The following PEX5L variants were observed in gnomAD, a reference collection of about 807,000 sequenced individuals.
PEX5L encodes the protein PEX5-related protein.
A neutral mutation model predicts 84.0 loss-of-function variants in PEX5L; 30 were observed. That is an observed-to-expected ratio of 0.36 (90% CI 0.27 to 0.48). The LOEUF is 0.48. Among genes scored for constraint, PEX5L ranks in the 20% least tolerant of loss-of-function variants. The probability of loss-of-function intolerance (pLI) is 0.99; values close to 1 mark genes in which losing one functional copy is unlikely to be tolerated. For synonymous variants in PEX5L, 270 were observed against 283.1 expected, an observed-to-expected ratio of 0.95 and a Z score of 0.46; for missense variants, 533 against 754.6, an observed-to-expected ratio of 0.71 and a Z score of 3.44.
At chr3:179,892,078 T>G (rs886518564) in intron 3 of PEX5L, among the ~76,000 whole-genome samples, 3 of 152,176 alleles carry the variant, frequency 2.0e-5, no homozygotes, top group Admixed American at 6.6e-5. Flanking sequence ...CCCAAAGGTT[T>G]CTAATTTTTT....
intron 8 of PEX5L, among the ~76,000 whole-genome samples, chr3:179,846,860 G>T (rs2108391611): frequency 6.6e-6 from 1 of 152,178 alleles, no homozygotes; most frequent in South Asian, 2.1e-4. Flanking sequence ...TACTCAGTCA[G>T]ACCTTTGGAC....
At position 179,815,857 on chromosome 3, in the gene PEX5L, A is replaced by T; in HGVS notation, c.1083+4T>A. Reference sequence around the variant, plus strand: ...AGTCTGGCAGAATGAAGGGAGAATGACACCTCTGCATCTCCAGGGTCCTGA... The same window carrying T: ...AGTCTGGCAGAATGAAGGGAGAATGTCACCTCTGCATCTCCAGGGTCCTGA... On this transcript the variant is annotated splice_donor_region_variant and intron_variant, in intron 10 of 14. Coordinates refer to ENST00000467460, the MANE Select transcript of PEX5L (RefSeq NM_016559.3). The T allele has an allele frequency of 6.2e-7, 1 of 1,614,008 alleles. No individual in the cohort carries two copies. The highest frequency in any genetic ancestry group is 8.5e-7 in the Non-Finnish European group (1 of 1,179,948).
chr3:179,897,618 G>C (rs995816136), intron 3 of PEX5L, among the ~76,000 whole-genome samples: 4 of 152,012 alleles, frequency 2.6e-5, no homozygotes, highest in Admixed American at 2.6e-4. Context: ...GGGACTCAGG[G>C]ACTTCTGGCT....
intron 6 of PEX5L, 113 bp from the exon 7 acceptor site, chr3:179,874,536 CATCAAA>C: frequency 1.7e-6 from 1 of 589,946 alleles, no homozygotes; most frequent in Non-Finnish European, 3.0e-6. Context: ...TCAAAGCTCT[CATCAAA>C]ATTCTGATGA....
intron 1 of PEX5L, among the ~76,000 whole-genome samples, chr3:180,023,595 G>T (rs1231628770): frequency 6.6e-6 from 1 of 152,150 alleles, no homozygotes. Context: ...TCACTAATTA[G>T]AGGCCTGATA....
intron 7 of PEX5L, among the ~76,000 whole-genome samples, chr3:179,861,848 A>G (rs985077093): frequency 2.6e-5 from 4 of 152,238 alleles, no homozygotes; most frequent in Admixed American, 6.5e-5. Context: ...TGTGATAGAA[A>G]AATGTATGCC....
chr3:179,844,149 G>T (rs1738344980), intron 8 of PEX5L, among the ~76,000 whole-genome samples: 1 of 152,140 alleles, frequency 6.6e-6, no homozygotes, highest in African/African-American at 2.4e-5. Context: ...ACAGTGGTCT[G>T]TATATATTTG....
At chr3:179,859,278 T>C in intron 7 of PEX5L, 121 bp from the exon 8 acceptor site, 1 of 725,404 alleles carries the variant, frequency 1.4e-6, no homozygotes, top group Non-Finnish European at 2.3e-6. Flanking sequence ...CTGTGACTGA[T>C]GACATTTTTG....
chr3:180,003,167 A>G (rs1435444422), intron 1 of PEX5L, among the ~76,000 whole-genome samples: 4 of 152,198 alleles, frequency 2.6e-5, no homozygotes, highest in South Asian at 2.1e-4. Context: ...TAAAGCCAGA[A>G]GTCTTAGCAG....
intron 7 of PEX5L, among the ~76,000 whole-genome samples, chr3:179,863,095 G>C (rs1385830329): frequency 6.6e-6 from 1 of 152,180 alleles, no homozygotes; most frequent in Non-Finnish European, 1.5e-5. Context: ...AGAAAGAACA[G>C]TGTCTTCAAT....
chr3:179,923,306 A>C (rs938361940), intron 2 of PEX5L, among the ~76,000 whole-genome samples: 3 of 150,558 alleles, frequency 2.0e-5, no homozygotes, highest in Non-Finnish European at 4.4e-5. Context: ...AAAAAAAAAA[A>C]AAAAACACCC....
chr3:179,861,433 A>G (rs1746080025), intron 7 of PEX5L, among the ~76,000 whole-genome samples: 1 of 152,208 alleles, frequency 6.6e-6, no homozygotes. Context: ...GGGCAATGGC[A>G]GCTGAATGCC....
rs1431679033 is a variant in PEX5L at position 180,024,231 on chromosome 3, C to T, written c.21+12348G>A. On this transcript the variant is annotated intron_variant, in intron 1 of 14. Transcript: ENST00000467460. ...TGGGAAGAATCACTCCTCCGTATTT[C>T]GGGCTCACATATAAGAGTAACTGTG... Among the ~76,000 whole-genome samples, 3 of 151,318 alleles carry T rather than the reference C, an allele frequency of 2.0e-5. No homozygotes were observed. The South Asian group carries it at 6.3e-4, about 32-fold the overall frequency.
intron 3 of PEX5L, among the ~76,000 whole-genome samples, chr3:179,897,187 G>A (rs1191293625): frequency 6.6e-6 from 1 of 152,088 alleles, no homozygotes; most frequent in African/African-American, 2.4e-5. Context: ...TGATATAAAT[G>A]TCTTTCATGA....
At chr3:179,832,339 C>A (rs1733360663) in intron 8 of PEX5L, among the ~76,000 whole-genome samples, 1 of 151,862 alleles carries the variant, frequency 6.6e-6, no homozygotes. Flanking sequence ...TGCTTACTTA[C>A]CCACCCACCC....
At chr3:179,932,212 T>C (rs137967043) in intron 2 of PEX5L, among the ~76,000 whole-genome samples, 11 of 152,184 alleles carry the variant, frequency 7.2e-5, no homozygotes, top group South Asian at 2.1e-4. Flanking sequence ...AGGGGAAAAA[T>C]AGGGTTCAAA....
At chr3:179,806,802 C>T (rs1379879172) in intron 14 of PEX5L, among the ~76,000 whole-genome samples, 2 of 152,052 alleles carry the variant, frequency 1.3e-5, no homozygotes, top group Non-Finnish European at 2.9e-5. Flanking sequence ...GAAATTGAGG[C>T]TAAAAATTAT....
intron 2 of PEX5L, among the ~76,000 whole-genome samples, chr3:179,929,058 C>G (rs1772261638): frequency 1.3e-5 from 2 of 152,210 alleles, no homozygotes; most frequent in South Asian, 4.1e-4. Flanking sequence ...GCCAGTAGGG[C>G]TCACATGATA....
At chr3:179,885,998 A>AT (rs1022339294) in intron 4 of PEX5L, among the ~76,000 whole-genome samples, 4 of 152,146 alleles carry the variant, frequency 2.6e-5, no homozygotes, top group Non-Finnish European at 5.9e-5. Flanking sequence ...CATTCTTTTG[A>AT]TTTTTTTCCT....
Sources: gnomAD v4.1 joint callset for allele counts (sites outside exome capture counted in the v4.1 genomes callset) on GRCh38, gnomAD v4.1.1 for gene constraint, MANE v1.5 for transcripts, NCBI Gene and HGNC (gene_info 2026-07-23, HGNC 2026-07-21) for gene names.